LINGO2: variants seen among roughly 807,000 people sequenced by gnomAD.
The protein encoded by LINGO2 is leucine rich repeat and Ig domain containing 2.
Under a neutral mutation model 30.6 loss-of-function variants are expected in LINGO2, and 14 were observed. The ratio of observed to expected loss-of-function variants is 0.46; its 90% confidence interval spans 0.30 to 0.72. LINGO2 has a LOEUF of 0.72. LINGO2 is among the 30% of genes least tolerant of loss of function. The pLI is 0.07. For missense variants in LINGO2, 729 were observed against 751.7 expected, an observed-to-expected ratio of 0.97 and a Z score of 0.35; for synonymous variants, 317 against 288.5, an observed-to-expected ratio of 1.10 and a Z score of -1.00.
intron 1 of LINGO2, among the ~76,000 whole-genome samples, chr9:28,651,729 C>T (rs758519926): frequency 9.2e-5 from 14 of 152,046 alleles, no homozygotes; most frequent in African/African-American, 2.9e-4. Context: ...TTGTAATGGG[C>T]CCCTCTGCCA....
chr9:28,487,237 A>G (rs1350166091), intron 1 of LINGO2, among the ~76,000 whole-genome samples: 1 of 152,144 alleles, frequency 6.6e-6, no homozygotes, highest in African/African-American at 2.4e-5. Flanking sequence ...TTTATAGAAC[A>G]CTGAAATCTT....
the LINGO2 span, among the ~76,000 whole-genome samples, chr9:29,110,077 AATTCTCACTTAAAGAACTAG>A: frequency 1.3e-5 from 2 of 152,286 alleles, no homozygotes; most frequent in African/African-American, 2.4e-5. Flanking sequence ...AACAAGAAAC[AATTCTCACTTAAAGAACTAG>A]GCATGGTTAG....
chr9:28,670,833 T>C (rs1828980449), upstream of LINGO2, among the ~76,000 whole-genome samples: 1 of 152,092 alleles, frequency 6.6e-6, no homozygotes, highest in East Asian at 1.9e-4. Flanking sequence ...GGCTATCATT[T>C]CCTACATTTT....
chr9:28,014,174 T>C (rs12351536), intron 4 of LINGO2, among the ~76,000 whole-genome samples: 3,348 of 152,268 alleles, frequency 0.022, 118 homozygotes, highest in African/African-American at 0.076. Context: ...TGAACACAGT[T>C]GGTGCGCTCG....
intron 5 of LINGO2, among the ~76,000 whole-genome samples, chr9:27,957,968 T>C (rs1382855543): frequency 6.6e-6 from 1 of 152,218 alleles, no homozygotes; most frequent in Non-Finnish European, 1.5e-5. Context: ...TCTTTCGCAT[T>C]TGTTAGTACC....
At chr9:28,790,389 T>C in the LINGO2 span, among the ~76,000 whole-genome samples, 61 of 147,068 alleles carry the variant, frequency 4.1e-4, no homozygotes, top group South Asian at 1.8e-3. Context: ...AGTGCAGTCG[T>C]GCGATCTCGG....
At position 28,058,734 on chromosome 9, in the gene LINGO2, C is replaced by T. The variant is rs535249097; in HGVS notation, c.-86-46329G>A. Reference sequence around the variant, plus strand: ...GAAAATAAAACCATAAAATTCCAAACTTATCAAAAAATATTGCACTATGGA... The same window carrying T: ...GAAAATAAAACCATAAAATTCCAAATTTATCAAAAAATATTGCACTATGGA... On this transcript the variant is annotated intron_variant, in intron 4 of 5. Transcript: ENST00000379992. Among the ~76,000 whole-genome samples the T allele has an allele frequency of 2.6e-5, 4 of 152,188 alleles. No homozygotes were observed. The South Asian group carries it at 6.2e-4, about 24-fold the overall frequency.
chr9:28,127,909 T>C (rs1827283929), intron 4 of LINGO2, among the ~76,000 whole-genome samples: 1 of 152,210 alleles, frequency 6.6e-6, no homozygotes, highest in Admixed American at 6.5e-5. Flanking sequence ...CTTTATCTCT[T>C]GTCTCTGCTT....
chr9:28,280,233 T>C (rs2134123831), intron 4 of LINGO2, among the ~76,000 whole-genome samples: 1 of 152,248 alleles, frequency 6.6e-6, no homozygotes, highest in South Asian at 2.1e-4. Flanking sequence ...CTAATAAGTG[T>C]TCAACACTTT....
intron 3 of LINGO2, among the ~76,000 whole-genome samples, chr9:28,298,346 T>G (rs1243691912): frequency 1.3e-5 from 2 of 151,946 alleles, no homozygotes; most frequent in Non-Finnish European, 2.9e-5. Context: ...AATGCTTTCA[T>G]TTTTTTGAGA....
chr9:28,199,314 A>G (rs1019361037), intron 4 of LINGO2, among the ~76,000 whole-genome samples: 2 of 144,258 alleles, frequency 1.4e-5, no homozygotes, highest in African/African-American at 5.1e-5. Context: ...TTGAAAGACT[A>G]CGGGCTATCT....
At chr9:27,962,186 A>T (rs1435861896) in intron 5 of LINGO2, among the ~76,000 whole-genome samples, 1 of 152,148 alleles carries the variant, frequency 6.6e-6, no homozygotes, top group Non-Finnish European at 1.5e-5. Flanking sequence ...TTTTGAATTG[A>T]CGGTAAAGTG....
intron 5 of LINGO2, among the ~76,000 whole-genome samples, chr9:27,992,222 T>C (rs550393483): frequency 6.6e-6 from 1 of 152,234 alleles, no homozygotes; most frequent in African/African-American, 2.4e-5. Flanking sequence ...ATTTTGACTT[T>C]ATATATGTGT....
the LINGO2 span, among the ~76,000 whole-genome samples, chr9:28,862,231 AT>A: frequency 6.6e-6 from 1 of 152,128 alleles, no homozygotes; most frequent in African/African-American, 2.4e-5. Flanking sequence ...GCTTATGAAC[AT>A]ACAGTCCTAT....
the LINGO2 span, among the ~76,000 whole-genome samples, chr9:29,018,702 T>C: frequency 1.3e-5 from 2 of 152,272 alleles, no homozygotes; most frequent in East Asian, 3.9e-4. Context: ...TCCGAAGTTC[T>C]CACTCTTAAC....
chr9:28,854,797 C>T, the LINGO2 span, among the ~76,000 whole-genome samples: 1 of 151,904 alleles, frequency 6.6e-6, no homozygotes, highest in Admixed American at 6.6e-5. Context: ...CCAAAAAGAA[C>T]TGTTAGCTGC....
At chr9:28,102,034 C>A (rs1826432013) in intron 4 of LINGO2, among the ~76,000 whole-genome samples, 3 of 152,096 alleles carry the variant, frequency 2.0e-5, no homozygotes, top group African/African-American at 7.2e-5. Flanking sequence ...GCCTCCAACT[C>A]ACCTTGATCC....
Position 28,606,192 on chromosome 9 carries a change from C to T in LINGO2, c.-365+64008G>A, listed in dbSNP as rs190046134. ...GCTACCGTGACAACATAAATAGGGA[C>T]CATCTTTTAAAGTTTATTGCCATCT... is the stretch of plus-strand genomic sequence containing the variant. On this transcript the variant is annotated intron_variant, in intron 1 of 5. Coordinates refer to ENST00000379992, the Ensembl canonical transcript of LINGO2. Among the ~76,000 whole-genome samples, 579 of 152,052 alleles carry T rather than the reference C, an allele frequency of 3.8e-3. 7 individuals are homozygous for T. The highest frequency in any genetic ancestry group is 0.013 in the African/African-American group (554 of 41,478).
chr9:27,940,351 T>A, the LINGO2 span: 1 of 152,154 alleles, frequency 6.6e-6, no homozygotes, highest in Non-Finnish European at 1.5e-5. Context: ...AGGGTCATAA[T>A]TTTTGCATTT....
Sources: gnomAD v4.1 joint callset for allele counts (sites outside exome capture counted in the v4.1 genomes callset) on GRCh38, gnomAD v4.1.1 for gene constraint, MANE v1.5 for transcripts, NCBI Gene and HGNC (gene_info 2026-07-23, HGNC 2026-07-21) for gene names.